ACTA2: variants seen among roughly 807,000 people sequenced by gnomAD.
ACTA2 encodes the protein actin alpha 2, smooth muscle.
Under a neutral mutation model 39.5 loss-of-function variants are expected in ACTA2, and 12 were observed. The ratio of observed to expected loss-of-function variants is 0.30; its 90% CI spans 0.19 to 0.49. The LOEUF is 0.49. Ranked by LOEUF, ACTA2 falls within the 20% of genes least tolerant of loss-of-function variation. ACTA2 has a pLI of 0.99. For synonymous variants in ACTA2, 158 were observed against 180.6 expected (o/e 0.88, Z 1.00); for missense variants, 236 against 498.8 (o/e 0.47, Z 5.02).
Position 88,938,565 on chromosome 10 carries a change from G to A in ACTA2, c.809-323C>T, listed in dbSNP as rs145447838. 35 of 343,280 alleles carry A rather than the reference G, an allele frequency of 1.0e-4. No homozygotes were observed. In the East Asian group the frequency reaches 1.9e-3, roughly 19 times the overall value. The allele number at this position is 343,280 out of a possible 1,614,324, so 21.3% of individuals were successfully genotyped here. A position where few individuals can be genotyped will look rare whatever the true frequency, so the allele number is the denominator to read the frequency against. The stretch of plus-strand genomic sequence containing the variant: ...TTCCAATTCCCTGCAAAGCTTCCAC[G>A]CTGAGCCAATGTTGCAACAACTCTT... On this transcript the variant is annotated intron_variant, in intron 7 of 8. Coordinates refer to ENST00000224784, the MANE Select transcript of ACTA2 (RefSeq NM_001613.4).
At chr10:88,983,610 A>C (rs1245397209) in intron 1 of ACTA2, among the ~76,000 whole-genome samples, 1 of 7,516 alleles carries the variant, frequency 1.3e-4, no homozygotes, top group Non-Finnish European at 2.7e-4. Context: ...CAGGTTATGC[A>C]AAAAAAAAAA....
chr10:88,966,438 T>C (rs749554014), intron 1 of ACTA2, among the ~76,000 whole-genome samples: 13 of 152,184 alleles, frequency 8.5e-5, no homozygotes, highest in Non-Finnish European at 1.9e-4. Flanking sequence ...TTTTGTAATC[T>C]ATAAGTGTGT....
intron 1 of ACTA2, among the ~76,000 whole-genome samples, chr10:88,985,730 T>C: frequency 6.6e-6 from 1 of 152,176 alleles, no homozygotes; most frequent in East Asian, 1.9e-4. Context: ...ATGTCTCTTG[T>C]TCCTTCCAGT....
chr10:88,982,543 A>C (rs1432579106), intron 1 of ACTA2, among the ~76,000 whole-genome samples: 9 of 152,066 alleles, frequency 5.9e-5, no homozygotes, highest in Non-Finnish European at 8.8e-5. Context: ...CTGAGGGGGG[A>C]ATTCATGGAC....
intron 1 of ACTA2, among the ~76,000 whole-genome samples, chr10:88,981,772 G>A (rs1043140980): frequency 7.9e-5 from 12 of 152,178 alleles, no homozygotes; most frequent in Non-Finnish European, 8.8e-5. Flanking sequence ...GTTTCAGTCT[G>A]TGCTCGTGGG....
At chr10:88,937,010 T>G (rs1375479555) in intron 8 of ACTA2, among the ~76,000 whole-genome samples, 1 of 152,152 alleles carries the variant, frequency 6.6e-6, no homozygotes, top group Admixed American at 6.5e-5. Context: ...CCTCATGAGA[T>G]CAACTCAGTA....
chr10:88,962,154 T>C (rs1846235470), intron 1 of ACTA2, among the ~76,000 whole-genome samples: 1 of 152,154 alleles, frequency 6.6e-6, no homozygotes, highest in South Asian at 2.1e-4. Context: ...GTAATGCTAG[T>C]TCAGAGTTGC....
At chr10:88,963,419 G>GAGTAAGGGATTAAAC (rs60580360) in intron 1 of ACTA2, among the ~76,000 whole-genome samples, 73,749 of 151,534 alleles carry the variant, frequency 0.49, 18,577 homozygotes, top group African/African-American at 0.53. Context: ...TACTCGTCAG[G>GAGTAAGGGATTAAAC]AGTAAGTCTG....
intron 1 of ACTA2, among the ~76,000 whole-genome samples, chr10:88,951,242 C>T (rs1846044224): frequency 6.6e-6 from 1 of 152,138 alleles, no homozygotes; most frequent in Admixed American, 6.5e-5. Flanking sequence ...CAGCCAGCCC[C>T]AGGGGATAAG....
chr10:88,942,743 A>AT (rs59310986), intron 4 of ACTA2, among the ~76,000 whole-genome samples: 2,134 of 143,962 alleles, frequency 0.015, 24 homozygotes, highest in African/African-American at 0.04. Context: ...ATTTCCAACC[A>AT]TTTTTTTTTT....
chr10:88,966,037 G>C (rs1477032762), intron 1 of ACTA2, among the ~76,000 whole-genome samples: 1 of 152,116 alleles, frequency 6.6e-6, no homozygotes, highest in Non-Finnish European at 1.5e-5. Flanking sequence ...TTAGGTTGGT[G>C]CAAAAGTAAT....
intron 8 of ACTA2, among the ~76,000 whole-genome samples, chr10:88,937,574 C>T (rs972266043): frequency 6.6e-6 from 1 of 152,130 alleles, no homozygotes; most frequent in Non-Finnish European, 1.5e-5. Flanking sequence ...AAAAGATGTG[C>T]TAGACAGAGG....
chr10:88,944,846 G>C (rs1266291085), intron 3 of ACTA2, among the ~76,000 whole-genome samples: 1 of 152,194 alleles, frequency 6.6e-6, no homozygotes, highest in African/African-American at 2.4e-5. Context: ...TTAAAAGCAC[G>C]AAAATTCTCC....
At chr10:88,975,582 G>T (rs190986299) in intron 1 of ACTA2, among the ~76,000 whole-genome samples, 1 of 152,270 alleles carries the variant, frequency 6.6e-6, no homozygotes, top group Admixed American at 6.5e-5. Flanking sequence ...TGGGCTCTGG[G>T]CTTAGGAAAA....
chr10:88,951,477 A>G (rs991934828), intron 1 of ACTA2, among the ~76,000 whole-genome samples: 4 of 150,986 alleles, frequency 2.6e-5, no homozygotes, highest in African/African-American at 9.9e-5. Context: ...GCAAGAATGC[A>G]GAAAAATGTT....
chr10:88,983,471 C>T (rs1009417640), intron 1 of ACTA2, among the ~76,000 whole-genome samples: 1 of 152,128 alleles, frequency 6.6e-6, no homozygotes, highest in Non-Finnish European at 1.5e-5. Context: ...TCAGCATAGG[C>T]TTTGGAAGTT....
intron 1 of ACTA2, among the ~76,000 whole-genome samples, chr10:88,970,833 C>A (rs1255247412): frequency 1.3e-5 from 2 of 151,920 alleles, no homozygotes; most frequent in Non-Finnish European, 2.9e-5. Flanking sequence ...CAAACCTGCA[C>A]GTTGTGCACA....
intron 1 of ACTA2, among the ~76,000 whole-genome samples, chr10:88,984,450 A>T (rs1846813794): frequency 6.6e-6 from 1 of 152,246 alleles, no homozygotes; most frequent in African/African-American, 2.4e-5. Context: ...ATAGTAGCAC[A>T]CTAGTGTCAT....
chr10:88,968,540 T>C (rs1846364223), intron 1 of ACTA2, among the ~76,000 whole-genome samples: 1 of 152,186 alleles, frequency 6.6e-6, no homozygotes, highest in South Asian at 2.1e-4. Flanking sequence ...CACACATGTT[T>C]GTCGGTAGAG....
Sources: allele counts gnomAD v4.1 joint callset (sites outside exome capture counted in the v4.1 genomes callset), GRCh38; gene constraint gnomAD v4.1.1; transcripts MANE v1.5; gene names NCBI Gene and HGNC (gene_info 2026-07-23, HGNC 2026-07-21).